Variants in LPP observed in about 807,000 individuals in gnomAD.
LPP encodes LIM domain containing preferred translocation partner in lipoma.
Under a neutral mutation model 60.4 loss-of-function variants are expected in LPP, and 38 were observed. The ratio of observed to expected loss-of-function variants is 0.63; its 90% CI spans 0.49 to 0.83. The LOEUF (loss-of-function observed/expected upper bound fraction) is 0.83. Among genes scored for constraint, LPP ranks in the 40% least tolerant of loss-of-function variants. The pLI, the probability that LPP is intolerant of heterozygous loss-of-function variation, is 0.00. For missense variants in LPP, 902 were observed against 783.6 expected (o/e 1.15, Z -1.80); for synonymous variants, 328 against 290.8 (o/e 1.13, Z -1.30).
intron 5 of LPP, among the ~76,000 whole-genome samples, chr3:188,508,198 T>G (rs1579462515): frequency 6.6e-6 from 1 of 152,258 alleles, no homozygotes; most frequent in East Asian, 1.9e-4. Flanking sequence ...AGGGGGCTTA[T>G]GGGAAAGAGA....
intron 9 of LPP, among the ~76,000 whole-genome samples, chr3:188,798,455 C>A (rs140226250): frequency 1.3e-5 from 2 of 152,274 alleles, no homozygotes; most frequent in African/African-American, 4.8e-5. Context: ...TCTCCCTGAT[C>A]TTCAAAGATG....
chr3:188,355,764 G>T (rs1228187419), intron 3 of LPP, among the ~76,000 whole-genome samples: 1 of 152,144 alleles, frequency 6.6e-6, no homozygotes, highest in Non-Finnish European at 1.5e-5. Context: ...AGAAAAGTTT[G>T]ATGTGACAGT....
intron 7 of LPP, among the ~76,000 whole-genome samples, chr3:188,673,962 C>T (rs1235115092): frequency 1.3e-5 from 2 of 151,782 alleles, no homozygotes; most frequent in Admixed American, 1.3e-4. Context: ...AAATATACCC[C>T]CTGGGTCATT....
At chr3:188,203,426 AATATAAATATATATTT>A (rs1220248665) in intron 1 of LPP, among the ~76,000 whole-genome samples, 1 of 91,114 alleles carries the variant, frequency 1.1e-5, no homozygotes, top group African/African-American at 4.5e-5. Context: ...ATATAATATA[AATATAAATATATATTT>A]ATATAAATAT....
intron 2 of LPP, among the ~76,000 whole-genome samples, chr3:188,321,233 T>TG (rs1193565587): frequency 6.6e-6 from 1 of 152,142 alleles, no homozygotes; most frequent in African/African-American, 2.4e-5. Context: ...TGAGGCGAGG[T>TG]GGGAGATGTG....
At chr3:188,844,431 A>G (rs1760926764) in intron 9 of LPP, among the ~76,000 whole-genome samples, 1 of 152,264 alleles carries the variant, frequency 6.6e-6, no homozygotes, top group Non-Finnish European at 1.5e-5. Flanking sequence ...AATGCTTTCT[A>G]TAAATTTTTC....
intron 2 of LPP, among the ~76,000 whole-genome samples, chr3:188,308,737 C>T (rs1393181195): frequency 1.3e-5 from 2 of 152,064 alleles, no homozygotes; most frequent in African/African-American, 2.4e-5. Context: ...GTAGATAGAG[C>T]CTTGTTTCAG....
intron 2 of LPP, among the ~76,000 whole-genome samples, chr3:188,252,031 GATATATATATATATATATATATATATAT>G (rs10579787): frequency 7.2e-5 from 3 of 41,406 alleles, no homozygotes; most frequent in East Asian, 1.3e-3. Flanking sequence ...TTTTAATCCT[GATATATATATATATATATATATATATAT>G]ATATATATAT....
At chr3:188,286,541 G>A (rs1055804268) in intron 2 of LPP, among the ~76,000 whole-genome samples, 3 of 152,148 alleles carry the variant, frequency 2.0e-5, no homozygotes, top group Non-Finnish European at 4.4e-5. Flanking sequence ...GGGGTTTAGT[G>A]TGGAAATTAA....
At chr3:188,623,040 A>AG (rs1056395610) in intron 7 of LPP, among the ~76,000 whole-genome samples, 3 of 124,488 alleles carry the variant, frequency 2.4e-5, no homozygotes, top group African/African-American at 9.1e-5. Context: ...AAAAAAAAAA[A>AG]AAAAAAAGAG....
intron 10 of LPP, among the ~76,000 whole-genome samples, chr3:188,868,241 C>T (rs1270522067): frequency 6.6e-6 from 1 of 152,182 alleles, no homozygotes; most frequent in Non-Finnish European, 1.5e-5. Context: ...ATAATCGGAG[C>T]ACACATGTTT....
chr3:188,609,099 A>G lies in LPP; in HGVS notation c.430-62A>G, dbSNP rs1379594048. ...TAATATTTTTCATTTATTCATTTTT[A>G]TTGAGTTTCGTTGGCAGTAATTTTT... On this transcript the variant is annotated intron_variant, in intron 6 of 11. Coordinates refer to ENST00000617246, the MANE Select transcript of LPP (RefSeq NM_001375462.1). The surrounding 1 kb of genome is among the most constrained non-coding windows in gnomAD (Gnocchi z 6.9). 1 of 1,193,172 alleles carries G rather than the reference A, an allele frequency of 8.4e-7. No homozygotes were observed. The highest frequency in any genetic ancestry group is 1.6e-5 in the African/African-American group (1 of 64,438). The allele number at this position is 1,193,172 out of a possible 1,614,324, so 73.9% of individuals were successfully genotyped here.
At chr3:188,206,102 C>T (rs1296172988) in intron 1 of LPP, among the ~76,000 whole-genome samples, 1 of 152,186 alleles carries the variant, frequency 6.6e-6, no homozygotes, top group African/African-American at 2.4e-5. Flanking sequence ...ACCTCTCAGC[C>T]TAGAGCTCCC....
intron 1 of LPP, among the ~76,000 whole-genome samples, chr3:188,213,971 C>T (rs1712400700): frequency 6.7e-6 from 1 of 148,328 alleles, no homozygotes; most frequent in African/African-American, 2.5e-5. Flanking sequence ...AACACACACA[C>T]ACACACACAC....
intron 10 of LPP, among the ~76,000 whole-genome samples, chr3:188,869,559 G>C (rs900474112): frequency 3.3e-5 from 5 of 152,190 alleles, no homozygotes; most frequent in Non-Finnish European, 7.3e-5. Flanking sequence ...CCAAAGTGCT[G>C]GGATTACAGG....
rs140067260 is a variant in LPP at position 188,830,564 on chromosome 3, C to T, written c.1411-35636C>T. Reference sequence around the variant, plus strand: ...AGGTTGCAGTGAGCCAAGATTGCACCACTGCACTCCAGCCTGGGCAACAGA... The same window carrying T: ...AGGTTGCAGTGAGCCAAGATTGCACTACTGCACTCCAGCCTGGGCAACAGA... On this transcript the variant is annotated intron_variant, in intron 9 of 11. Coordinates refer to ENST00000617246, the MANE Select transcript of LPP (RefSeq NM_001375462.1). Among the ~76,000 whole-genome samples the T allele has an allele frequency of 2.2e-3, 338 of 151,904 alleles. 2 individuals carry two copies. The highest frequency in any genetic ancestry group is 7.9e-3 in the African/African-American group (328 of 41,422).
At chr3:188,190,297 G>C (rs540869274) in intron 1 of LPP, among the ~76,000 whole-genome samples, 1 of 152,174 alleles carries the variant, frequency 6.6e-6, no homozygotes, top group East Asian at 1.9e-4. Context: ...GACCTCATGT[G>C]ATCCGCCCGC....
chr3:188,205,779 G>T (rs2149148882), intron 1 of LPP, among the ~76,000 whole-genome samples: 1 of 152,282 alleles, frequency 6.6e-6, no homozygotes, highest in South Asian at 2.1e-4. Flanking sequence ...TGGTTTTCAA[G>T]CTGTTCTCTT....
Position 188,406,277 on chromosome 3 carries a change from C to T in LPP, c.157C>T (p.Pro53Ser), listed in dbSNP as rs781336030. ...GTTTGCCCCGGTAGTTGCTCCAAAA[C>T]CTAAGTACAACCCATACAAACAACC... Reference protein sequence around the residue: ...KKFAPVVAPKPKYNPYKQPGG... With the variant: ...KKFAPVVAPKSKYNPYKQPGG... The change falls in exon 4 of 12, where the codon CCT (proline) becomes TCT (serine). Residue 53 changes from proline (P) to serine (S), a missense_variant. Physicochemically the swap from Pro to Ser is moderately conservative, Grantham distance 74 (BLOSUM62 -1). Coordinates refer to ENST00000617246, the MANE Select transcript of LPP (RefSeq NM_001375462.1). The T allele has an allele frequency of 3.1e-6, 5 of 1,614,110 alleles. No homozygotes were observed. In the South Asian group the frequency reaches 5.5e-5, roughly 18 times the overall value.
Sources: allele counts gnomAD v4.1 joint callset (sites outside exome capture counted in the v4.1 genomes callset), GRCh38; gene constraint gnomAD v4.1.1; non-coding constraint Gnocchi (gnomAD v3.1); transcripts MANE v1.5; gene names NCBI Gene and HGNC (gene_info 2026-07-23, HGNC 2026-07-21).